The following TRAPPC2L variants were observed in gnomAD, a reference collection of about 807,000 sequenced individuals.
TRAPPC2L encodes the protein trafficking protein particle complex subunit 2-like protein.
TRAPPC2L carries 17 observed loss-of-function variants against 13.2 expected under a neutral mutation model. That is an observed-to-expected ratio of 1.29 (90% CI 0.88 to 1.93). The LOEUF (loss-of-function observed/expected upper bound fraction) is 1.93. TRAPPC2L is among the 30% of genes most tolerant of loss of function. The probability of loss-of-function intolerance (pLI) is 0.00; values close to 1 mark genes in which losing one functional copy is unlikely to be tolerated. For synonymous variants in TRAPPC2L, 150 were observed against 98.1 expected, an observed-to-expected ratio of 1.53 and a Z score of -3.12; for missense variants, 359 against 252.1, an observed-to-expected ratio of 1.42 and a Z score of -2.87.
chr16:88,858,848 T>G (rs988197693), intron 2 of TRAPPC2L, 57 bp downstream of exon 2: 2 of 1,541,502 alleles, frequency 1.3e-6, no homozygotes, highest in Admixed American at 4.1e-5. Context: ...AGATGTACTT[T>G]AGGATCAGAT....
At chr16:88,860,015 A>T (rs1968277089) in exon 4 of TRAPPC2L, 1 of 1,478,142 alleles carries the variant, frequency 6.8e-7, no homozygotes, top group Admixed American at 1.8e-5. Flanking sequence ...TTTCTGTAGG[A>T]CATGCCTTGC....
At chr16:88,859,746 G>C in exon 3 of TRAPPC2L, 1 of 1,613,702 alleles carries the variant, frequency 6.2e-7, no homozygotes, top group Non-Finnish European at 8.5e-7. Flanking sequence ...AACGAAATTC[G>C]CAGCGTAAGT....
chr16:88,859,248 T>G, intron 2 of TRAPPC2L: 1 of 546,978 alleles, frequency 1.8e-6, no homozygotes, highest in Non-Finnish European at 3.5e-6. Flanking sequence ...TCATGTAGCC[T>G]GTCCATGGTG....
At chr16:88,861,453 G>C (rs1248400830) in exon 4 of TRAPPC2L, 2 of 347,058 alleles carry the variant, frequency 5.8e-6, no homozygotes, top group South Asian at 2.1e-5. Context: ...TCCATTCTTT[G>C]CATCTGGCTC....
upstream of TRAPPC2L, chr16:88,856,233 G>C (rs1029433962): frequency 8.5e-6 from 6 of 702,934 alleles, no homozygotes; most frequent in African/African-American, 7.0e-5. Context: ...CCAGAGGACA[G>C]AGACAGCCGT....
chr16:88,862,307 G>C (rs1173689932), exon 4 of TRAPPC2L: 5 of 152,572 alleles, frequency 3.3e-5, no homozygotes, highest in East Asian at 3.9e-4. Context: ...GCGGGCAGAC[G>C]AGAGCCATGT....
exon 4 of TRAPPC2L, chr16:88,861,585 C>T (rs1968392727): frequency 6.4e-6 from 3 of 470,468 alleles, no homozygotes; most frequent in Middle Eastern, 3.2e-4. Flanking sequence ...ACTTGAGGCA[C>T]CCCCTCCTGC....
exon 4 of TRAPPC2L, chr16:88,860,972 G>C (rs750031456): frequency 4.4e-6 from 7 of 1,579,366 alleles, no homozygotes; most frequent in Non-Finnish European, 6.0e-6. Flanking sequence ...GAGCTGTGCT[G>C]CCAGCCATCG....
Position 88,859,668 on chromosome 16 carries a change from GC to G in TRAPPC2L, c.213del (p.Tyr72ThrfsTer7). 1 of 1,613,942 alleles carries G rather than the reference GC, an allele frequency of 6.2e-7. No homozygotes were observed. Among genetic ancestry groups the G allele is most frequent in the East Asian group, 2.2e-5 (1 of 44,892 alleles). ...TTCCCTAACCAGCTGTGCAGATACG[GC>G]TACGTCACCAACTCCAAGGTGAAGT... On this transcript the variant is annotated frameshift_variant, in exon 3 of 4. Coordinates refer to ENST00000565504, the Ensembl canonical transcript of TRAPPC2L. LOFTEE classifies it high-confidence loss of function.
chr16:88,857,762 C>G (rs907118728), intron 1 of TRAPPC2L, among the ~76,000 whole-genome samples: 6 of 152,232 alleles, frequency 3.9e-5, no homozygotes, highest in Admixed American at 3.9e-4. Flanking sequence ...GGCCTTTGCA[C>G]GCGGAACACC....
chr16:88,856,810 C>T, upstream of TRAPPC2L: 1 of 1,538,490 alleles, frequency 6.5e-7, no homozygotes, highest in Non-Finnish European at 8.7e-7. Context: ...GCCCGAGGCC[C>T]CCATCCCCGC....
chr16:88,860,232 T>G, exon 4 of TRAPPC2L: 1 of 703,026 alleles, frequency 1.4e-6, no homozygotes, highest in South Asian at 1.5e-5. Context: ...TTCCCAGGTG[T>G]GCCCAGTGGG....
chr16:88,859,059 T>C (rs1335382965), intron 2 of TRAPPC2L: 1 of 513,678 alleles, frequency 1.9e-6, no homozygotes, highest in Non-Finnish European at 3.5e-6. Flanking sequence ...GGGACACTTC[T>C]GCTTTGTACC....
At chr16:88,857,077 TG>T (rs1339143174), upstream of TRAPPC2L, 4 of 1,511,274 alleles carry the variant, frequency 2.6e-6, no homozygotes, top group Admixed American at 6.1e-5. Flanking sequence ...TGTGTGCGGA[TG>T]GGGCGGGGCT....
intron 2 of TRAPPC2L, 55 bp downstream of exon 2, chr16:88,858,846 T>G: frequency 6.5e-7 from 1 of 1,549,902 alleles, no homozygotes; most frequent in Admixed American, 2.0e-5. Context: ...CAAGATGTAC[T>G]TTAGGATCAG....
chr16:88,861,280 G>A, exon 4 of TRAPPC2L: 1 of 415,786 alleles, frequency 2.4e-6, no homozygotes, highest in Non-Finnish European at 4.5e-6. Context: ...GAGTTCCTGA[G>A]CCTGCAGGAC....
chr16:88,856,793 G>A (rs1287332192), upstream of TRAPPC2L: 1 of 1,543,264 alleles, frequency 6.5e-7, no homozygotes, highest in South Asian at 1.2e-5. Context: ...TTGGGGGGCT[G>A]CGGGGCGCCC....
At chr16:88,858,717 C>T (rs1428226993) in exon 2 of TRAPPC2L, 8 of 1,613,424 alleles carry the variant, frequency 5.0e-6, no homozygotes, top group East Asian at 2.2e-5. Flanking sequence ...AGAAGATCTC[C>T]GCAATGGGGA....
At chr16:88,861,472 G>C in exon 4 of TRAPPC2L, 1 of 351,756 alleles carries the variant, frequency 2.8e-6, no homozygotes, top group Non-Finnish European at 5.7e-6. Context: ...TCAATGTCTG[G>C]ATTCCGCCCG....
Sources: allele counts gnomAD v4.1 joint callset (sites outside exome capture counted in the v4.1 genomes callset), GRCh38; gene constraint gnomAD v4.1.1; transcripts MANE v1.5; gene names NCBI Gene and HGNC (gene_info 2026-07-23, HGNC 2026-07-21).